TUBGCP4: variants seen among roughly 807,000 people sequenced by gnomAD.
The protein encoded by TUBGCP4 is gamma-tubulin complex component 4.
A neutral mutation model predicts 91.6 loss-of-function variants in TUBGCP4; 54 were observed. The ratio of observed to expected loss-of-function variants is 0.59; its 90% CI spans 0.47 to 0.74. The LOEUF (loss-of-function observed/expected upper bound fraction) is 0.74. Among genes scored for constraint, TUBGCP4 ranks in the 30% least tolerant of loss-of-function variants. The pLI, the probability that TUBGCP4 is intolerant of heterozygous loss-of-function variation, is 0.00. For synonymous variants in TUBGCP4, 297 were observed against 302.8 expected, an observed-to-expected ratio of 0.98 and a Z score of 0.20; for missense variants, 593 against 800.9, an observed-to-expected ratio of 0.74 and a Z score of 3.13.
intron 9 of TUBGCP4, among the ~76,000 whole-genome samples, chr15:43,393,041 CTT>C (rs2044504698): frequency 2.0e-5 from 3 of 152,170 alleles, no homozygotes; most frequent in Non-Finnish European, 4.4e-5. Flanking sequence ...AGTATGCACT[CTT>C]TTGGAGGAGG....
At chr15:43,372,536 G>A (rs1212213982) in intron 1 of TUBGCP4, among the ~76,000 whole-genome samples, 1 of 148,952 alleles carries the variant, frequency 6.7e-6, no homozygotes, top group East Asian at 2.0e-4. Flanking sequence ...ACAATGCCAG[G>A]CATATAGGAG....
chr15:43,395,133 A>T lies in TUBGCP4; in HGVS notation c.1041A>T (p.Glu347Asp), dbSNP rs2044559646. Reference sequence around the variant, plus strand: ...ATCTCTGGAAGTTGATGGTAGAAGAATCCGATTTACTGGGTCAGCTGAAGG... The same window carrying T: ...ATCTCTGGAAGTTGATGGTAGAAGATTCCGATTTACTGGGTCAGCTGAAGG... The part of the protein sequence containing the change: ...AEHLWKLMVE[E>D]SDLLGQLKII... Residue 347 changes from glutamate to aspartate, a missense_variant, in exon 10 of 18, where the codon GAA becomes GAT. Coordinates refer to ENST00000564079, the MANE Select transcript of TUBGCP4 (RefSeq NM_014444.5). 1 of 1,614,030 alleles carries T rather than the reference A, an allele frequency of 6.2e-7. No individual in the cohort carries two copies.
chr15:43,407,925 A>T lies in TUBGCP4; in HGVS notation c.*2711A>T. The T allele has an allele frequency of 1.2e-6, 2 of 1,606,522 alleles. No individual in the cohort carries two copies. Among genetic ancestry groups the T allele is most frequent in the Non-Finnish European group, 1.7e-6 (2 of 1,178,582 alleles). On this transcript the variant is annotated 3_prime_UTR_variant, in exon 18 of 18. Transcript: ENST00000564079. ...GAGATCCCTGGAACAAAGACACTAC[A>T]CACACTCTTTCAGGTACCTTTGTTA... is the stretch of plus-strand genomic sequence containing the variant.
intron 1 of TUBGCP4, 132 bp from the exon 2 acceptor site, chr15:43,375,966 A>T (rs2044197749): frequency 2.2e-6 from 3 of 1,361,322 alleles, no homozygotes; most frequent in Admixed American, 1.9e-5. Flanking sequence ...ATACATTGTT[A>T]TCCAGAACTT....
intron 10 of TUBGCP4, 191 bp from the exon 11 acceptor site, chr15:43,395,392 T>G: frequency 1.5e-6 from 1 of 665,062 alleles, no homozygotes; most frequent in Non-Finnish European, 2.7e-6. Context: ...GAATAAATAA[T>G]GCCAAATACA....
At position 43,409,597 on chromosome 15, in the gene TUBGCP4, T is replaced by C. The variant is rs1318342146; in HGVS notation, c.*4383T>C. ...CCAGGCCTCTTCTCAACACAGCAAG[T>C]TGGCTCTTATCATTGCCACTATATT... On this transcript the variant is annotated 3_prime_UTR_variant, in exon 18 of 18. Coordinates refer to ENST00000564079, the MANE Select transcript of TUBGCP4 (RefSeq NM_014444.5). 2 of 1,030,272 alleles carry C rather than the reference T, an allele frequency of 1.9e-6. No individual in the cohort carries two copies. Among genetic ancestry groups the C allele is most frequent in the Non-Finnish European group, 2.8e-6 (2 of 710,306 alleles). 63.8% of individuals were successfully genotyped at this position (1,030,272 alleles called of 1,614,324 possible). A position where few individuals can be genotyped will look rare whatever the true frequency, so the allele number is the denominator to read the frequency against.
Position 43,398,135 on chromosome 15 carries a change from A to T in TUBGCP4, c.1374A>T (p.Val458=). 6.2e-7 allele frequency: 1 copy of T among 1,614,108 alleles called. No individual in the cohort carries two copies. The highest frequency in any genetic ancestry group is 8.5e-7 in the Non-Finnish European group (1 of 1,179,964). The change falls in exon 13 of 18, where the codon GTA becomes GTT. Residue 458 remains valine (V), a synonymous_variant. Transcript: ENST00000564079. ...GWAALGLSYK[V]QWPLHILFTP... ...CAGCCCTAGGTCTTTCCTACAAAGT[A>T]CAGTGGCCACTACATATTCTCTTCA... is the stretch of plus-strand genomic sequence containing the variant.
chr15:43,408,847 G>C lies in TUBGCP4; in HGVS notation c.*3633G>C. On this transcript the variant is annotated 3_prime_UTR_variant, in exon 18 of 18. Coordinates refer to ENST00000564079, the MANE Select transcript of TUBGCP4 (RefSeq NM_014444.5). Reference sequence around the variant, plus strand: ...TCACCTAGATTCTCTTCCCTCCAAAGCTTGCTGTCCTCCTGCCTATACAAT... The same window carrying C: ...TCACCTAGATTCTCTTCCCTCCAAACCTTGCTGTCCTCCTGCCTATACAAT... 1 of 1,573,842 alleles carries C rather than the reference G, an allele frequency of 6.4e-7. No individual in the cohort carries two copies. Among genetic ancestry groups the C allele is most frequent in the Non-Finnish European group, 8.7e-7 (1 of 1,144,396 alleles).
At chr15:43,390,729 G>A (rs938099802) in intron 9 of TUBGCP4, among the ~76,000 whole-genome samples, 11 of 151,782 alleles carry the variant, frequency 7.2e-5, no homozygotes, top group Non-Finnish European at 1.3e-4. Context: ...GGCTGGTCTC[G>A]AACTCCTGAC....
At chr15:43,376,256 T>G in intron 2 of TUBGCP4, 30 bp downstream of exon 2, 4 of 1,611,734 alleles carry the variant, frequency 2.5e-6, no homozygotes, top group Non-Finnish European at 3.4e-6. Context: ...GGTGTACACC[T>G]CTAGAGGGCA....
chr15:43,391,999 A>C lies in TUBGCP4; in HGVS notation c.1015-3108A>C, dbSNP rs909185056. 2.6e-5 allele frequency among the ~76,000 whole-genome samples: 4 copies of C among 151,152 alleles called. No homozygotes were observed. The South Asian group carries it at 6.4e-4, about 24-fold the overall frequency. ...GAACCTCGGAGGCAGAGGTTGCAGC[A>C]AGCTGAGATGGTGCCACTGCATTCC... On this transcript the variant is annotated intron_variant, in intron 9 of 17. Coordinates refer to ENST00000564079, the MANE Select transcript of TUBGCP4 (RefSeq NM_014444.5).
rs575507047 is a variant in TUBGCP4, at chr15:43,403,643, C to G, written c.1732-40C>G. On this transcript the variant is annotated intron_variant, in intron 15 of 17. Coordinates refer to ENST00000564079, the MANE Select transcript of TUBGCP4 (RefSeq NM_014444.5). ...TAACACTTTAACTTCATGGATGTACCTTCCTTCCTTTCCTAATGCCAACTC... is the reference window on the plus strand; with the variant it reads ...TAACACTTTAACTTCATGGATGTACGTTCCTTCCTTTCCTAATGCCAACTC... The G allele has an allele frequency of 6.2e-5, 88 of 1,430,376 alleles. 2 individuals are homozygous for G. The Admixed American group carries it at 1.5e-3, about 24-fold the overall frequency. The allele number at this position is 1,430,376 out of a possible 1,614,324, so 88.6% of individuals were successfully genotyped here. A position where few individuals can be genotyped will look rare whatever the true frequency, so the allele number is the denominator to read the frequency against.
At chr15:43,395,784 G>C in intron 11 of TUBGCP4, 96 bp downstream of exon 11, 1 of 960,240 alleles carries the variant, frequency 1.0e-6, no homozygotes, top group Non-Finnish European at 1.7e-6. Flanking sequence ...CCACATAAGA[G>C]CAGCCTGATG....
At chr15:43,397,175 GC>G (rs2044595613) in intron 11 of TUBGCP4, 38 bp from the exon 12 acceptor site, 2 of 1,523,394 alleles carry the variant, frequency 1.3e-6, no homozygotes, top group Non-Finnish European at 1.8e-6. Context: ...TTGTTATGTA[GC>G]CAAGCGTCCC....
chr15:43,385,959 A>T lies in TUBGCP4; in HGVS notation c.889+3A>T, dbSNP rs775410047. Reference sequence around the variant, plus strand: ...AAATGTGAACCTGACTAGAAAAGGTAGAAATCTCCTTGTCCAATGTACCAC... The same window carrying T: ...AAATGTGAACCTGACTAGAAAAGGTTGAAATCTCCTTGTCCAATGTACCAC... On this transcript the variant is annotated splice_donor_region_variant and intron_variant, in intron 8 of 17. Coordinates refer to ENST00000564079, the MANE Select transcript of TUBGCP4 (RefSeq NM_014444.5). The T allele has an allele frequency of 4.3e-6, 7 of 1,613,816 alleles. No individual in the cohort carries two copies. The highest frequency in any genetic ancestry group is 5.9e-6 in the Non-Finnish European group (7 of 1,179,904).
At chr15:43,398,369 G>C in intron 13 of TUBGCP4, 190 bp downstream of exon 13, 1 of 412,998 alleles carries the variant, frequency 2.4e-6, no homozygotes, top group Non-Finnish European at 4.1e-6. Context: ...AACATAGTAA[G>C]ACCCCCATCT....
intron 1 of TUBGCP4, among the ~76,000 whole-genome samples, chr15:43,375,651 A>G (rs765481934): frequency 2.0e-5 from 3 of 152,220 alleles, no homozygotes; most frequent in Non-Finnish European, 4.4e-5. Flanking sequence ...GAAAACAATG[A>G]AAACTTCTAT....
rs137879443 is a variant in TUBGCP4, at chr15:43,407,537, G to A, written c.*2323G>A. 3 of 1,613,900 alleles carry A rather than the reference G, an allele frequency of 1.9e-6. No individual in the cohort carries two copies. Among genetic ancestry groups the A allele is most frequent in the Non-Finnish European group, 1.7e-6 (2 of 1,179,964 alleles). ...CACCGAGGCTGGGCATGAGGGGTCC[G>A]TCACCACCACATCAAATACCCCTAA... is the stretch of plus-strand genomic sequence containing the variant. On this transcript the variant is annotated 3_prime_UTR_variant, in exon 18 of 18. Transcript: ENST00000564079.
At chr15:43,379,400 G>A (rs1250157116) in intron 5 of TUBGCP4, among the ~76,000 whole-genome samples, 1 of 152,208 alleles carries the variant, frequency 6.6e-6, no homozygotes, top group African/African-American at 2.4e-5. Flanking sequence ...CCAGCACTTC[G>A]GGAGGCCGAG....
Sources: allele counts gnomAD v4.1 joint callset (sites outside exome capture counted in the v4.1 genomes callset), GRCh38; gene constraint gnomAD v4.1.1; transcripts MANE v1.5; gene names NCBI Gene and HGNC (gene_info 2026-07-23, HGNC 2026-07-21).